Variants in TMEM117 observed in about 807,000 individuals in gnomAD.
TMEM117 encodes the protein transmembrane protein 117.
A neutral mutation model predicts 52.4 loss-of-function variants in TMEM117; 27 were observed. That is an observed-to-expected ratio of 0.51 (90% CI 0.38 to 0.71). The LOEUF (loss-of-function observed/expected upper bound fraction) is 0.71, where lower values mean the gene tolerates loss of function less well. Among genes scored for constraint, TMEM117 ranks in the 30% least tolerant of loss-of-function variants. The pLI is 0.00. For missense variants in TMEM117, 556 were observed against 630.5 expected (o/e 0.88, Z 1.26); for synonymous variants, 215 against 206.3 (o/e 1.04, Z -0.36).
chr12:44,012,943 G>T (rs1946317155), intron 3 of TMEM117, among the ~76,000 whole-genome samples: 1 of 152,088 alleles, frequency 6.6e-6, no homozygotes, highest in African/African-American at 2.4e-5. Flanking sequence ...CAGTGATGCA[G>T]TGGTAGGGTG....
the TMEM117 span, among the ~76,000 whole-genome samples, chr12:43,810,049 C>G: frequency 1.4e-3 from 212 of 152,216 alleles, 2 homozygotes; most frequent in Non-Finnish European, 1.6e-3. Flanking sequence ...ATAAATGATA[C>G]GTACTTTCCA....
At chr12:44,149,723 T>C (rs1948694548) in intron 4 of TMEM117, among the ~76,000 whole-genome samples, 1 of 152,226 alleles carries the variant, frequency 6.6e-6, no homozygotes, top group African/African-American at 2.4e-5. Flanking sequence ...ATCTAGCTTG[T>C]TATTCTGTCT....
chr12:44,367,409 C>A (rs1045555795), intron 6 of TMEM117, among the ~76,000 whole-genome samples: 12 of 152,120 alleles, frequency 7.9e-5, no homozygotes, highest in African/African-American at 2.7e-4. Flanking sequence ...TTGATCATGC[C>A]TTCCCTTGTG....
chr12:44,078,131 C>A (rs973035306), intron 3 of TMEM117, among the ~76,000 whole-genome samples: 1 of 152,082 alleles, frequency 6.6e-6, no homozygotes, highest in African/African-American at 2.4e-5. Flanking sequence ...ACGTAATTAT[C>A]CAAAATGTTT....
intron 2 of TMEM117, among the ~76,000 whole-genome samples, chr12:43,848,941 G>A (rs560087215): frequency 6.6e-6 from 1 of 152,280 alleles, no homozygotes; most frequent in South Asian, 2.1e-4. Flanking sequence ...CAGCTGAGAT[G>A]GGAGTAAGAA....
intron 3 of TMEM117, among the ~76,000 whole-genome samples, chr12:44,061,930 G>A (rs1321656489): frequency 6.6e-6 from 1 of 152,056 alleles, no homozygotes; most frequent in Admixed American, 6.6e-5. Context: ...AGAGGCAGAG[G>A]AAAAAAGAGA....
At chr12:44,206,180 T>G (rs548456738) in intron 4 of TMEM117, among the ~76,000 whole-genome samples, 35 of 152,354 alleles carry the variant, frequency 2.3e-4, no homozygotes, top group South Asian at 4.1e-4. Context: ...GCTAAAAGCA[T>G]TCCTTATGGG....
At chr12:44,002,604 T>C (rs1946133412) in intron 3 of TMEM117, among the ~76,000 whole-genome samples, 2 of 152,124 alleles carry the variant, frequency 1.3e-5, no homozygotes. Context: ...CCTGGCCTCC[T>C]TCCCTCCCTC....
At chr12:43,865,002 G>T (rs368423797) in intron 2 of TMEM117, among the ~76,000 whole-genome samples, 2 of 151,956 alleles carry the variant, frequency 1.3e-5, no homozygotes, top group African/African-American at 2.4e-5. Flanking sequence ...AACACTCACC[G>T]TGAAGGTCTG....
At chr12:43,861,265 C>T (rs1021593188) in intron 2 of TMEM117, among the ~76,000 whole-genome samples, 3 of 152,086 alleles carry the variant, frequency 2.0e-5, no homozygotes, top group Non-Finnish European at 4.4e-5. Context: ...AGAAAAGCAT[C>T]TTTCTTTCTC....
At chr12:44,226,523 G>A (rs187800152) in intron 5 of TMEM117, among the ~76,000 whole-genome samples, 2 of 151,958 alleles carry the variant, frequency 1.3e-5, no homozygotes, top group South Asian at 4.2e-4. Context: ...GTGTGTGTGT[G>A]TACACATATA....
At chr12:44,042,783 C>CACACACAA (rs1946821214) in intron 3 of TMEM117, among the ~76,000 whole-genome samples, 1 of 150,964 alleles carries the variant, frequency 6.6e-6, no homozygotes, top group South Asian at 2.1e-4. Flanking sequence ...CACACACACA[C>CACACACAA]ACACACACAC....
chr12:44,311,805 G>GTATATATGTA (rs1177513410), intron 6 of TMEM117, among the ~76,000 whole-genome samples: 4 of 99,362 alleles, frequency 4.0e-5, no homozygotes, highest in African/African-American at 1.5e-4. Context: ...ATGTATATAT[G>GTATATATGTA]TATATATGTA....
intron 5 of TMEM117, among the ~76,000 whole-genome samples, chr12:44,239,119 G>A (rs1452081986): frequency 6.6e-6 from 1 of 152,074 alleles, no homozygotes; most frequent in East Asian, 1.9e-4. Context: ...TAGGTTCAGA[G>A]TATAATTTCT....
At chr12:44,270,626 C>G (rs952021228) in intron 5 of TMEM117, among the ~76,000 whole-genome samples, 1 of 152,084 alleles carries the variant, frequency 6.6e-6, no homozygotes, top group Non-Finnish European at 1.5e-5. Context: ...TGTCTGATTG[C>G]TCTGGCTGGG....
At chr12:44,013,198 G>A (rs975978711) in intron 3 of TMEM117, among the ~76,000 whole-genome samples, 1 of 151,898 alleles carries the variant, frequency 6.6e-6, no homozygotes, top group African/African-American at 2.4e-5. Context: ...CCTAGCTAAT[G>A]TTTGTATTTT....
intron 5 of TMEM117, among the ~76,000 whole-genome samples, chr12:44,214,126 ATT>A (rs71832267): frequency 2.2e-5 from 3 of 138,662 alleles, no homozygotes; most frequent in African/African-American, 7.9e-5. Context: ...TGTCTTACAA[ATT>A]TTTTTTTTAA....
the TMEM117 span, chr12:43,804,247 C>T: frequency 2.0e-6 from 1 of 496,182 alleles, no homozygotes; most frequent in Non-Finnish European, 3.9e-6. Context: ...GAAACTGAGA[C>T]ACAAAAAGTA....
intron 2 of TMEM117, among the ~76,000 whole-genome samples, chr12:43,932,053 T>C (rs188425746): frequency 7.4e-4 from 112 of 152,272 alleles, no homozygotes; most frequent in Admixed American, 1.8e-3. Flanking sequence ...CATGAAAATC[T>C]ATGTTTGTTG....
Sources: gnomAD v4.1 joint callset for allele counts (sites outside exome capture counted in the v4.1 genomes callset) on GRCh38, gnomAD v4.1.1 for gene constraint, MANE v1.5 for transcripts, NCBI Gene and HGNC (gene_info 2026-07-23, HGNC 2026-07-21) for gene names.